Variants in LUZP1 observed in about 807,000 individuals in gnomAD.
LUZP1 encodes filamin mechanobinding actin cross-linking protein.
In LUZP1, 25 loss-of-function variants were observed where a neutral mutation model predicts 71.3. The observed-to-expected ratio is 0.35, with a 90% CI of 0.26 to 0.49. The LOEUF (loss-of-function observed/expected upper bound fraction) is 0.49. Among genes scored for constraint, LUZP1 ranks in the 20% least tolerant of loss-of-function variants. The pLI is 0.99. For synonymous variants in LUZP1, 481 were observed against 506.4 expected, an observed-to-expected ratio of 0.95 and a Z score of 0.67; for missense variants, 1,142 against 1,300.8, an observed-to-expected ratio of 0.88 and a Z score of 1.88.
chr1:23,099,414 T>C lies in LUZP1; in HGVS notation c.-119-5034A>G, dbSNP rs182319470. On this transcript the variant is annotated intron_variant, in intron 3 of 4. Coordinates refer to ENST00000302291, the Ensembl canonical transcript of LUZP1. ...TCATAAATATGCTTAAACCATTAAA[T>C]TGTGTATTTTAAAGAGATAAACTTC... Among the ~76,000 whole-genome samples, 226 of 152,324 alleles carry C rather than the reference T, an allele frequency of 1.5e-3. 1 individual carries two copies. The highest frequency in any genetic ancestry group is 0.014 in the Middle Eastern group (4 of 292).
At chr1:23,156,272 G>T (rs1189314420) in intron 2 of LUZP1, among the ~76,000 whole-genome samples, 1 of 151,930 alleles carries the variant, frequency 6.6e-6, no homozygotes, top group Non-Finnish European at 1.5e-5. Context: ...CCCAGCTACT[G>T]GGGAGGCTGA....
intron 3 of LUZP1, among the ~76,000 whole-genome samples, chr1:23,106,527 C>T (rs1258677490): frequency 6.6e-6 from 1 of 151,946 alleles, no homozygotes; most frequent in South Asian, 2.1e-4. Context: ...ATCAACTGAG[C>T]CTGGGAGGTC....
rs879186710 is a variant in LUZP1, at chr1:23,094,938, A to T, written c.-119-558T>A. On this transcript the variant is annotated intron_variant, in intron 3 of 4. Coordinates refer to ENST00000302291, the Ensembl canonical transcript of LUZP1. The surrounding 1 kb of genome is among the most constrained non-coding windows in gnomAD (Gnocchi z 4.7). Reference sequence around the variant, plus strand: ...AAATGGTGAGCTTCACAATATACTAAAACAATCTCTCTACACCCATTTTCA... The same window carrying T: ...AAATGGTGAGCTTCACAATATACTATAACAATCTCTCTACACCCATTTTCA... Among the ~76,000 whole-genome samples, 3 of 152,212 alleles carry T rather than the reference A, an allele frequency of 2.0e-5. No individual in the cohort carries two copies. The highest frequency in any genetic ancestry group is 1.3e-4 in the Admixed American group (2 of 15,288).
intron 2 of LUZP1, among the ~76,000 whole-genome samples, chr1:23,154,260 G>A (rs1644404747): frequency 6.6e-6 from 1 of 152,152 alleles, no homozygotes; most frequent in Non-Finnish European, 1.5e-5. Flanking sequence ...TTGTTGGACA[G>A]TATACATTTG....
Position 23,093,059 on chromosome 1 carries a change from T to G in LUZP1, c.1203A>C (p.Arg401=), listed in dbSNP as rs375002288. ...TGAGAGCAAACTCCCTGTTCCGGAG[T>G]CGTTCCCGCTTATGCTGAGGAGACA... Residue 401 remains arginine, a synonymous_variant, in exon 4 of 5, where the codon CGA becomes CGC. Transcript: ENST00000302291. The surrounding 1 kb of genome is among the most constrained non-coding windows in gnomAD (Gnocchi z 4.2). 25 of 1,613,882 alleles carry G rather than the reference T, an allele frequency of 1.5e-5. No individual in the cohort carries two copies. In the African/African-American group the frequency reaches 3.3e-4, roughly 22 times the overall value.
chr1:23,096,952 G>A (rs1000949725), intron 3 of LUZP1, among the ~76,000 whole-genome samples: 3 of 152,240 alleles, frequency 2.0e-5, no homozygotes, highest in African/African-American at 4.8e-5. Context: ...CAGCCTGGTC[G>A]ACAGAGCAAG....
chr1:23,108,407 G>C (rs369397283), intron 3 of LUZP1, among the ~76,000 whole-genome samples: 1 of 130,266 alleles, frequency 7.7e-6, no homozygotes, highest in African/African-American at 3.0e-5. Context: ...CCAGCAGTTT[G>C]AGACCAGCCT....
chr1:23,134,235 C>T (rs1186451355), intron 2 of LUZP1, among the ~76,000 whole-genome samples: 1 of 152,224 alleles, frequency 6.6e-6, no homozygotes, highest in East Asian at 1.9e-4. Context: ...AGTCCCAACA[C>T]TCTGGTAGCC....
chr1:23,089,018 G>A (rs1260430719), exon 5 of LUZP1: 6 of 1,614,000 alleles, frequency 3.7e-6, no homozygotes, highest in East Asian at 2.2e-5. Context: ...GCAGTTGCCT[G>A]TAGACACTGA....
chr1:23,168,550 G>C (rs1477240263), intron 2 of LUZP1, among the ~76,000 whole-genome samples: 1 of 147,608 alleles, frequency 6.8e-6, no homozygotes, highest in Admixed American at 6.8e-5. Context: ...AACATGTGCT[G>C]GGTCTCGCCC....
chr1:23,105,868 T>C (rs1643977052), intron 3 of LUZP1, among the ~76,000 whole-genome samples: 1 of 152,228 alleles, frequency 6.6e-6, no homozygotes, highest in South Asian at 2.1e-4. Context: ...TAAAATTTTT[T>C]TTTTTGTCTT....
intron 2 of LUZP1, among the ~76,000 whole-genome samples, chr1:23,130,075 C>T (rs991987655): frequency 5.9e-5 from 9 of 152,192 alleles, no homozygotes; most frequent in Non-Finnish European, 8.8e-5. Context: ...TATGGACAGA[C>T]TGATCCACTC....
exon 5 of LUZP1, chr1:23,085,521 C>T (rs758817186): frequency 5.2e-5 from 8 of 152,462 alleles, no homozygotes; most frequent in Non-Finnish European, 8.8e-5. Context: ...AACCTCATAA[C>T]AAGGTAGCCA....
At chr1:23,160,715 A>C (rs146932750) in intron 2 of LUZP1, among the ~76,000 whole-genome samples, 204 of 152,348 alleles carry the variant, frequency 1.3e-3, no homozygotes, top group Middle Eastern at 6.8e-3. Flanking sequence ...AAAATAACTG[A>C]GGAGGGCATT....
At position 23,091,296 on chromosome 1, in the gene LUZP1, G is replaced by A. The variant is rs952400925; in HGVS notation, c.2966C>T (p.Ser989Phe). Residue 989 changes from serine to phenylalanine, a missense_variant, in exon 4 of 5, where the codon TCC becomes TTC. Ser to Phe is a radical substitution (Grantham distance 155). Coordinates refer to ENST00000302291, the Ensembl canonical transcript of LUZP1. ...GAGGCTACTTTGGGTCCTTCTGGAGGAGGGCTCAGGGGCATCCCCTGAACT... is the reference window on the plus strand; with the variant it reads ...GAGGCTACTTTGGGTCCTTCTGGAGAAGGGCTCAGGGGCATCCCCTGAACT... 5.0e-6 allele frequency: 8 copies of A among 1,614,000 alleles called. No individual in the cohort carries two copies. Among genetic ancestry groups the A allele is most frequent in the Non-Finnish European group, 6.8e-6 (8 of 1,180,008 alleles).
intron 2 of LUZP1, among the ~76,000 whole-genome samples, chr1:23,157,725 A>G (rs938728212): frequency 6.6e-6 from 1 of 152,104 alleles, no homozygotes; most frequent in Non-Finnish European, 1.5e-5. Context: ...CAGGAGGCGG[A>G]GGTTGCAGTG....
chr1:23,157,955 T>C (rs1644433179), intron 2 of LUZP1, among the ~76,000 whole-genome samples: 1 of 151,842 alleles, frequency 6.6e-6, no homozygotes, highest in African/African-American at 2.4e-5. Context: ...AAAGTTGTAG[T>C]GAGCTATTAT....
chr1:23,126,022 G>A (rs1644169427), intron 2 of LUZP1, among the ~76,000 whole-genome samples: 1 of 152,164 alleles, frequency 6.6e-6, no homozygotes, highest in South Asian at 2.1e-4. Context: ...CCCACAGACT[G>A]TGCATTCTGA....
intron 2 of LUZP1, among the ~76,000 whole-genome samples, chr1:23,113,539 A>T (rs1241410132): frequency 1.3e-5 from 2 of 152,096 alleles, no homozygotes; most frequent in Non-Finnish European, 2.9e-5. Flanking sequence ...AAATTCTCAG[A>T]CAAAGATATT....
Sources: allele counts gnomAD v4.1 joint callset (sites outside exome capture counted in the v4.1 genomes callset), GRCh38; gene constraint gnomAD v4.1.1; non-coding constraint Gnocchi (gnomAD v3.1); transcripts MANE v1.5; gene names NCBI Gene and HGNC (gene_info 2026-07-23, HGNC 2026-07-21).